The following ADAM9 variants were observed in gnomAD, a reference collection of about 807,000 sequenced individuals.
ADAM9 encodes ADAM metallopeptidase domain 9.
ADAM9 carries 54 observed loss-of-function variants against 108.1 expected under a neutral mutation model. The observed-to-expected ratio is 0.50, with a 90% CI of 0.40 to 0.63. The LOEUF is 0.63. Ranked by LOEUF, ADAM9 falls within the 20% of genes least tolerant of loss-of-function variation. ADAM9 has a pLI of 0.00. For missense variants in ADAM9, 830 were observed against 997.7 expected, an observed-to-expected ratio of 0.83 and a Z score of 2.26; for synonymous variants, 316 against 336.0, an observed-to-expected ratio of 0.94 and a Z score of 0.65.
At chr8:39,087,396 G>A (rs928515793) in intron 18 of ADAM9, among the ~76,000 whole-genome samples, 1 of 152,238 alleles carries the variant, frequency 6.6e-6, no homozygotes, top group Non-Finnish European at 1.5e-5. Flanking sequence ...ATAACTGGAA[G>A]TCAGAACTAT....
chr8:39,078,883 A>G (rs1027612615), intron 16 of ADAM9, among the ~76,000 whole-genome samples: 9 of 152,160 alleles, frequency 5.9e-5, no homozygotes, highest in African/African-American at 1.7e-4. Flanking sequence ...TAAGAATTCA[A>G]TTTTCTTATG....
At chr8:39,101,826 C>T (rs1334193970) in intron 20 of ADAM9, 37 bp from the exon 21 acceptor site, 3 of 1,477,044 alleles carry the variant, frequency 2.0e-6, no homozygotes, top group Admixed American at 3.4e-5. Context: ...TTTATGAGCA[C>T]ATAGTGGTAA....
chr8:39,082,746 G>A (rs1465624425), intron 17 of ADAM9, 25 bp downstream of exon 17: 2 of 1,586,414 alleles, frequency 1.3e-6, no homozygotes, highest in East Asian at 2.2e-5. Context: ...CTTTTGGCTT[G>A]TTCCTGAAAG....
intron 11 of ADAM9, among the ~76,000 whole-genome samples, chr8:39,031,551 A>T (rs1257005929): frequency 6.6e-6 from 1 of 152,198 alleles, no homozygotes; most frequent in East Asian, 1.9e-4. Context: ...CATTTGTCTA[A>T]TCTTTTTTCA....
In ADAM9 at chr8:39,001,994, G is replaced by A. The variant is rs140542059; in HGVS notation, c.97+4834G>A. Among the ~76,000 whole-genome samples the A allele has an allele frequency of 3.7e-3, 501 of 135,508 alleles. 1 individual carries two copies. Among genetic ancestry groups the A allele is most frequent in the Non-Finnish European group, 6.2e-3 (403 of 65,080 alleles). 88.9% of individuals were successfully genotyped at this position (135,508 alleles called of 152,430 possible). ...AAAGGTAGTTATTAATATACGGTATGTATTTATCTGGAATTGACCTGGCGA... is the reference window on the plus strand; with the variant it reads ...AAAGGTAGTTATTAATATACGGTATATATTTATCTGGAATTGACCTGGCGA... On this transcript the variant is annotated intron_variant, in intron 1 of 21. Transcript: ENST00000487273.
In ADAM9 at chr8:39,021,569, G is replaced by T. The variant is rs772254459; in HGVS notation, c.673-74G>T. 6.1e-5 allele frequency: 80 copies of T among 1,319,320 alleles called. 1 individual carries two copies. The highest frequency in any genetic ancestry group is 1.8e-4 in the Middle Eastern group (1 of 5,566). 81.7% of individuals were successfully genotyped at this position (1,319,320 alleles called of 1,614,324 possible). A position where few individuals can be genotyped will look rare whatever the true frequency, so the allele number is the denominator to read the frequency against. On this transcript the variant is annotated intron_variant, in intron 7 of 21. Coordinates refer to ENST00000487273, the MANE Select transcript of ADAM9 (RefSeq NM_003816.3). The stretch of plus-strand genomic sequence containing the variant: ...AAAATGCTAGAATTACAGGCATGAG[G>T]TACTGCACCCGGCCTTACATTTCTA...
chr8:39,040,781 A>G (rs992121174), intron 11 of ADAM9, among the ~76,000 whole-genome samples: 2 of 152,224 alleles, frequency 1.3e-5, no homozygotes, highest in African/African-American at 4.8e-5. Flanking sequence ...TAGAGAGCCC[A>G]GAAACAAATC....
At chr8:39,077,105 C>T (rs1838872321) in intron 15 of ADAM9, 123 bp from the exon 16 acceptor site, 3 of 1,090,980 alleles carry the variant, frequency 2.7e-6, no homozygotes, top group Admixed American at 1.9e-5. Flanking sequence ...TGCTCTCATA[C>T]ACTTTCTCTG....
chr8:39,047,699 G>A (rs1374104469), intron 12 of ADAM9, among the ~76,000 whole-genome samples: 1 of 151,608 alleles, frequency 6.6e-6, no homozygotes, highest in East Asian at 1.9e-4. Flanking sequence ...AGCTAAGATT[G>A]GTTAATATTG....
chr8:39,031,976 G>C (rs933501393), intron 11 of ADAM9, among the ~76,000 whole-genome samples: 1 of 152,222 alleles, frequency 6.6e-6, no homozygotes, highest in African/African-American at 2.4e-5. Context: ...GGTATTACCA[G>C]TGGAGGCTGC....
chr8:39,059,185 T>C (rs1424022185), intron 14 of ADAM9, among the ~76,000 whole-genome samples: 1 of 152,220 alleles, frequency 6.6e-6, no homozygotes, highest in Admixed American at 6.5e-5. Flanking sequence ...GAATTCTGTA[T>C]GTCCACAGAA....
intron 18 of ADAM9, among the ~76,000 whole-genome samples, chr8:39,084,893 C>T (rs1370822954): frequency 6.6e-6 from 1 of 152,068 alleles, no homozygotes; most frequent in Non-Finnish European, 1.5e-5. Flanking sequence ...TACATAAACA[C>T]TTAGAATTAT....
At chr8:39,029,453 C>T (rs1469372875) in intron 11 of ADAM9, among the ~76,000 whole-genome samples, 1 of 152,104 alleles carries the variant, frequency 6.6e-6, no homozygotes, top group Non-Finnish European at 1.5e-5. Flanking sequence ...AAAGTGAGTA[C>T]CTATGTCTTG....
rs1190564490 is a variant in ADAM9 at position 39,045,112 on chromosome 8, ACATATGTGTG to A, written c.1302+2996_1302+3005del. Among the ~76,000 whole-genome samples, 39 of 15,970 alleles carry A rather than the reference ACATATGTGTG, an allele frequency of 2.4e-3. 5 individuals are homozygous for A. Among genetic ancestry groups the A allele is most frequent in the African/African-American group, 8.1e-3 (21 of 2,584 alleles). The allele number at this position is 15,970 out of a possible 152,430, so 10.5% of individuals were successfully genotyped here. On this transcript the variant is annotated intron_variant, in intron 12 of 21. Coordinates refer to ENST00000487273, the MANE Select transcript of ADAM9 (RefSeq NM_003816.3). ...CATACATATGTGTGTGTGCATACAT[ACATATGTGTG>A]TGTGCATACATACATATATGTGTAT...
At chr8:39,087,141 CTT>C (rs2129442848) in intron 18 of ADAM9, among the ~76,000 whole-genome samples, 1 of 152,346 alleles carries the variant, frequency 6.6e-6, no homozygotes, top group East Asian at 1.9e-4. Flanking sequence ...AGCTCCATCT[CTT>C]TAACTGAGGG....
chr8:39,067,164 A>G (rs1023742979), intron 14 of ADAM9, among the ~76,000 whole-genome samples: 1 of 152,150 alleles, frequency 6.6e-6, no homozygotes, highest in African/African-American at 2.4e-5. Context: ...GCCTTGTAGT[A>G]TAGTTTGAAG....
chr8:39,011,622 A>T (rs755006543), intron 2 of ADAM9, 36 bp from the exon 3 acceptor site: 6 of 1,566,206 alleles, frequency 3.8e-6, no homozygotes, highest in Non-Finnish European at 4.4e-6. Flanking sequence ...AATTTTTAAG[A>T]TGATGTTTTA....
chr8:39,045,100 G>GTATATA lies in ADAM9; in HGVS notation c.1302+2984_1302+2985insATATAT, dbSNP rs1200506825. On this transcript the variant is annotated intron_variant, in intron 12 of 21. Coordinates refer to ENST00000487273, the MANE Select transcript of ADAM9 (RefSeq NM_003816.3). ...TGTGTGTGCATACATACATATGTGT[G>GTATATA]TGTGCATACATACATATGTGTGTGT... Among the ~76,000 whole-genome samples the GTATATA allele has an allele frequency of 1.9e-3, 43 of 22,746 alleles. 5 individuals are homozygous for GTATATA. In the East Asian group the frequency reaches 0.086, roughly 45 times the overall value. 14.9% of individuals were successfully genotyped at this position (22,746 alleles called of 152,430 possible). A position where few individuals can be genotyped will look rare whatever the true frequency, so the allele number is the denominator to read the frequency against.
In ADAM9 at chr8:39,025,809, A is replaced by G. The variant is rs1473756148; in HGVS notation, c.921A>G (p.Lys307=). The G allele has an allele frequency of 6.8e-6, 11 of 1,614,046 alleles. No homozygotes were observed. The highest frequency in any genetic ancestry group is 8.5e-6 in the Non-Finnish European group (10 of 1,179,968). The change falls in exon 10 of 22, where the codon AAA becomes AAG. Residue 307 remains lysine, a synonymous_variant. Coordinates refer to ENST00000487273, the MANE Select transcript of ADAM9 (RefSeq NM_003816.3). The part of the protein sequence containing the change: ...RHDSAQLVLK[K]GFGGTAGMAF... Reference sequence around the variant, plus strand: ...CTTTTACATTTTCATTTAGAAAGAAAGGTTTTGGTGGAACTGCAGGAATGG... The same window carrying G: ...CTTTTACATTTTCATTTAGAAAGAAGGGTTTTGGTGGAACTGCAGGAATGG...
Sources: allele counts gnomAD v4.1 joint callset (sites outside exome capture counted in the v4.1 genomes callset), GRCh38; gene constraint gnomAD v4.1.1; transcripts MANE v1.5; gene names NCBI Gene and HGNC (gene_info 2026-07-23, HGNC 2026-07-21).